Variants in SGCZ observed in about 807,000 individuals in gnomAD.
The protein encoded by SGCZ is sarcoglycan zeta.
SGCZ carries 40 observed loss-of-function variants against 41.3 expected under a neutral mutation model. That is an observed-to-expected ratio of 0.97 (90% CI 0.75 to 1.26). The LOEUF is 1.26. Ranked by LOEUF, SGCZ falls within the 50% of genes most tolerant of loss-of-function variation. The pLI is 0.00. For missense variants in SGCZ, 552 were observed against 369.8 expected (o/e 1.49, Z -4.04); for synonymous variants, 206 against 137.5 (o/e 1.50, Z -3.49).
intron 1 of SGCZ, among the ~76,000 whole-genome samples, chr8:15,160,419 G>C (rs1799476915): frequency 6.6e-6 from 1 of 152,016 alleles, no homozygotes; most frequent in South Asian, 2.1e-4. Flanking sequence ...TCCACCTTTG[G>C]GCTACTGTGA....
chr8:14,801,428 G>C (rs1231848988), intron 1 of SGCZ, among the ~76,000 whole-genome samples: 1 of 152,084 alleles, frequency 6.6e-6, no homozygotes, highest in Non-Finnish European at 1.5e-5. Context: ...TATAAATTTG[G>C]AAGATGGATG....
At chr8:14,172,352 C>T (rs1230312666) in intron 4 of SGCZ, among the ~76,000 whole-genome samples, 1 of 152,114 alleles carries the variant, frequency 6.6e-6, no homozygotes, top group African/African-American at 2.4e-5. Flanking sequence ...CACTGCCTCA[C>T]CTTTCATTTG....
chr8:14,264,215 G>T (rs1799780034), intron 3 of SGCZ, among the ~76,000 whole-genome samples: 1 of 152,182 alleles, frequency 6.6e-6, no homozygotes, highest in Non-Finnish European at 1.5e-5. Flanking sequence ...TGTGGGAATG[G>T]CTACTTAATC....
intron 1 of SGCZ, among the ~76,000 whole-genome samples, chr8:14,696,335 A>C (rs112974495): frequency 1.3e-5 from 2 of 152,228 alleles, no homozygotes; most frequent in Non-Finnish European, 2.9e-5. Context: ...CACTGAACGC[A>C]AAGATTCTCC....
intron 1 of SGCZ, among the ~76,000 whole-genome samples, chr8:14,688,659 G>C (rs1452453300): frequency 1.3e-5 from 2 of 152,098 alleles, no homozygotes; most frequent in African/African-American, 4.8e-5. Context: ...TTTGGCTTAG[G>C]ATTGACTTGG....
intron 2 of SGCZ, among the ~76,000 whole-genome samples, chr8:14,443,428 A>T (rs1308999738): frequency 1.3e-5 from 2 of 152,164 alleles, no homozygotes; most frequent in Admixed American, 1.3e-4. Context: ...AGGCTACAGT[A>T]ACCAAAACAG....
At chr8:14,344,022 A>C (rs1000437399) in intron 2 of SGCZ, among the ~76,000 whole-genome samples, 2 of 152,184 alleles carry the variant, frequency 1.3e-5, no homozygotes, top group African/African-American at 2.4e-5. Context: ...ACTGCAATCC[A>C]CGAAAAAGAA....
At chr8:14,473,496 T>A (rs1382074472) in intron 2 of SGCZ, among the ~76,000 whole-genome samples, 1 of 152,134 alleles carries the variant, frequency 6.6e-6, no homozygotes, top group African/African-American at 2.4e-5. Flanking sequence ...ATTCAATACA[T>A]CAACAAATGT....
chr8:15,107,427 T>A (rs535407000), intron 1 of SGCZ, among the ~76,000 whole-genome samples: 13 of 152,236 alleles, frequency 8.5e-5, no homozygotes, highest in African/African-American at 2.9e-4. Flanking sequence ...GTGAGAGGAT[T>A]CTTCCTTCAA....
intron 7 of SGCZ, among the ~76,000 whole-genome samples, chr8:14,095,643 G>T (rs998705248): frequency 4.6e-5 from 7 of 152,128 alleles, no homozygotes; most frequent in African/African-American, 1.7e-4. Flanking sequence ...TGTGAAGAAT[G>T]TCAATGGCAG....
At chr8:14,946,675 A>ATTTTT (rs5889556) in intron 1 of SGCZ, among the ~76,000 whole-genome samples, 1 of 132,246 alleles carries the variant, frequency 7.6e-6, no homozygotes, top group Admixed American at 7.8e-5. Flanking sequence ...AGAAATCTGT[A>ATTTTT]TTTTTTTTTT....
At chr8:14,528,311 A>G (rs1387514709) in intron 2 of SGCZ, among the ~76,000 whole-genome samples, 1 of 152,152 alleles carries the variant, frequency 6.6e-6, no homozygotes, top group Non-Finnish European at 1.5e-5. Flanking sequence ...GATATGAGAA[A>G]GCATGCGACG....
intron 1 of SGCZ, among the ~76,000 whole-genome samples, chr8:15,170,777 C>T (rs1174713742): frequency 6.6e-6 from 1 of 152,110 alleles, no homozygotes; most frequent in Non-Finnish European, 1.5e-5. Flanking sequence ...CATTTCTGAG[C>T]TCCCTATAGG....
At chr8:14,628,671 A>AT (rs1203983010) in intron 1 of SGCZ, among the ~76,000 whole-genome samples, 3 of 152,070 alleles carry the variant, frequency 2.0e-5, no homozygotes, top group African/African-American at 7.2e-5. Flanking sequence ...AAACAAGACA[A>AT]TGTAAAACAA....
chr8:14,090,758 C>A, intron 7 of SGCZ, 121 bp from the exon 8 acceptor site: 1 of 840,894 alleles, frequency 1.2e-6, no homozygotes, highest in Non-Finnish European at 1.8e-6. Context: ...CATGGTTTAG[C>A]TGCCATGCTT....
intron 1 of SGCZ, among the ~76,000 whole-genome samples, chr8:14,759,283 G>C (rs1246833943): frequency 2.0e-5 from 3 of 151,948 alleles, no homozygotes; most frequent in Admixed American, 6.6e-5. Flanking sequence ...AAGAAAATTG[G>C]AGACAAGGAG....
intron 2 of SGCZ, among the ~76,000 whole-genome samples, chr8:14,369,597 G>T (rs186416126): frequency 2.0e-5 from 3 of 151,868 alleles, no homozygotes; most frequent in African/African-American, 7.3e-5. Flanking sequence ...TGGAAAAGTC[G>T]TTTGGGAATA....
intron 1 of SGCZ, among the ~76,000 whole-genome samples, chr8:14,944,674 T>C (rs1484761718): frequency 6.6e-6 from 1 of 152,216 alleles, no homozygotes; most frequent in Non-Finnish European, 1.5e-5. Flanking sequence ...ATATACTATG[T>C]ACATGGGCTC....
At position 14,607,091 on chromosome 8, in the gene SGCZ, C is replaced by A. The variant is rs12680796; in HGVS notation, c.40-52165G>T. ...ATGGCTCATCTATTCATTGACTGTG[C>A]CTGGTCCTCAGTTTTTTCATCTGTA... On this transcript the variant is annotated intron_variant, in intron 1 of 7. Transcript: ENST00000382080. Among the ~76,000 whole-genome samples the A allele has an allele frequency of 1.8e-4, 27 of 152,150 alleles. No homozygotes were observed. The East Asian group carries it at 5.0e-3, about 28-fold the overall frequency.
Sources: allele counts gnomAD v4.1 joint callset (sites outside exome capture counted in the v4.1 genomes callset), GRCh38; gene constraint gnomAD v4.1.1; transcripts MANE v1.5; gene names NCBI Gene and HGNC (gene_info 2026-07-23, HGNC 2026-07-21).